RNF212B: variants seen among roughly 807,000 people sequenced by gnomAD.
RNF212B encodes E3 ubiquitin-protein ligase RNF212B.
In RNF212B, 52 loss-of-function variants were observed where a neutral mutation model predicts 55.5. The ratio of observed to expected loss-of-function variants is 0.94; its 90% CI spans 0.75 to 1.18. The LOEUF (loss-of-function observed/expected upper bound fraction) is 1.18. RNF212B is among the 50% of genes most tolerant of loss of function. The pLI, the probability that RNF212B is intolerant of heterozygous loss-of-function variation, is 0.00. For missense variants in RNF212B, 289 were observed against 350.4 expected (o/e 0.82, Z 1.40); for synonymous variants, 99 against 121.4 (o/e 0.82, Z 1.21).
intron 2 of RNF212B, among the ~76,000 whole-genome samples, chr14:23,208,908 G>A (rs1480292700): frequency 2.6e-5 from 4 of 151,402 alleles, no homozygotes; most frequent in Non-Finnish European, 5.9e-5. Context: ...ACAGGTGCCC[G>A]CCACTACGCC....
intron 2 of RNF212B, among the ~76,000 whole-genome samples, chr14:23,199,469 CTAT>C (rs1271886997): frequency 1.3e-5 from 2 of 152,206 alleles, no homozygotes; most frequent in African/African-American, 4.8e-5. Context: ...CCCAGCTTGA[CTAT>C]TCCCTTTAGC....
At chr14:23,265,742 ACTT>A (rs1161757510) in intron 11 of RNF212B, among the ~76,000 whole-genome samples, 1 of 152,054 alleles carries the variant, frequency 6.6e-6, no homozygotes, top group Non-Finnish European at 1.5e-5. Context: ...AGTCTGTATT[ACTT>A]CTTCTATTAT....
At chr14:23,189,369 G>A (rs759022795) in intron 1 of RNF212B, among the ~76,000 whole-genome samples, 1 of 152,054 alleles carries the variant, frequency 6.6e-6, no homozygotes, top group African/African-American at 2.4e-5. Flanking sequence ...CCCTATTTGT[G>A]CACTAGCTTC....
At chr14:23,208,635 C>T (rs1160006458) in intron 2 of RNF212B, among the ~76,000 whole-genome samples, 3 of 152,016 alleles carry the variant, frequency 2.0e-5, no homozygotes, top group Non-Finnish European at 4.4e-5. Flanking sequence ...TCTTGGATCT[C>T]ACTCAAGAAA....
At position 23,264,215 on chromosome 14, in the gene RNF212B, G is replaced by C. The variant is rs1183892239; in HGVS notation, c.566G>C (p.Gly189Ala). 6.5e-7 allele frequency: 1 copy of C among 1,549,770 alleles called. No homozygotes were observed. The highest frequency in any genetic ancestry group is 2.4e-5 in the East Asian group (1 of 40,908). The change falls in exon 10 of 15, where the codon GGC (glycine) becomes GCC (alanine). Residue 189 changes from glycine (G) to alanine (A), a missense_variant. Transcript: ENST00000430154. The stretch of plus-strand genomic sequence containing the variant: ...GAATCTATTCCTTATAGAGAGGCTG[G>C]CTTTGGTAGCTTGGGACAAGTAAGT... ...SAESIPYREA[G>A]FGSLGQGGRG... is the part of the protein sequence containing the mutation.
At chr14:23,211,738 T>A (rs746806368) in intron 2 of RNF212B, among the ~76,000 whole-genome samples, 1 of 152,220 alleles carries the variant, frequency 6.6e-6, no homozygotes, top group Non-Finnish European at 1.5e-5. Flanking sequence ...TATTATTATT[T>A]TTGAGACAGA....
chr14:23,207,307 C>T (rs995328939), intron 2 of RNF212B, among the ~76,000 whole-genome samples: 3 of 152,132 alleles, frequency 2.0e-5, no homozygotes, highest in African/African-American at 7.2e-5. Context: ...TGATGGGTCT[C>T]AGGCTGTAGA....
At chr14:23,270,286 C>T (rs1248462308) in intron 13 of RNF212B, among the ~76,000 whole-genome samples, 1 of 152,178 alleles carries the variant, frequency 6.6e-6, no homozygotes, top group Non-Finnish European at 1.5e-5. Context: ...GGCCAATATC[C>T]ATTCTTCTCC....
chr14:23,220,919 A>G (rs1261998277), intron 2 of RNF212B, among the ~76,000 whole-genome samples: 1 of 152,172 alleles, frequency 6.6e-6, no homozygotes, highest in Non-Finnish European at 1.5e-5. Flanking sequence ...TAAAAGGAAG[A>G]GAGGAAGGAA....
chr14:23,215,139 A>G (rs959052001), intron 2 of RNF212B, among the ~76,000 whole-genome samples: 1 of 152,094 alleles, frequency 6.6e-6, no homozygotes, highest in Non-Finnish European at 1.5e-5. Context: ...ATGGTGAGTG[A>G]GTTCTCATGA....
intron 1 of RNF212B, among the ~76,000 whole-genome samples, chr14:23,187,173 A>G (rs1877679442): frequency 6.6e-6 from 1 of 152,210 alleles, no homozygotes; most frequent in Admixed American, 6.5e-5. Flanking sequence ...GATCCCTTTA[A>G]CTAGGGAAAA....
At chr14:23,270,461 C>A in intron 13 of RNF212B, 139 bp from the exon 14 acceptor site, 1 of 661,348 alleles carries the variant, frequency 1.5e-6, no homozygotes, top group Non-Finnish European at 2.8e-6. Flanking sequence ...ACTTTATATC[C>A]CATCTCTTAA....
chr14:23,194,101 C>A (rs1330788720), intron 2 of RNF212B, among the ~76,000 whole-genome samples: 2 of 152,194 alleles, frequency 1.3e-5, no homozygotes, highest in Non-Finnish European at 2.9e-5. Flanking sequence ...CTCGGCCTCC[C>A]AAAGTGCTGG....
intron 2 of RNF212B, among the ~76,000 whole-genome samples, chr14:23,213,491 G>A (rs1436593263): frequency 2.6e-5 from 4 of 152,052 alleles, no homozygotes; most frequent in Admixed American, 6.6e-5. Flanking sequence ...GTCATGAGGC[G>A]GAAAGAAGAA....
At chr14:23,263,025 A>C in intron 9 of RNF212B, 55 bp downstream of exon 9, 2 of 1,437,530 alleles carry the variant, frequency 1.4e-6, no homozygotes, top group Non-Finnish European at 1.9e-6. Flanking sequence ...GATAGAAGAA[A>C]TATCTAGTTG....
Position 23,263,765 on chromosome 14 carries a change from G to A in RNF212B, c.525-409G>A, listed in dbSNP as rs573726423. Among the ~76,000 whole-genome samples the A allele has an allele frequency of 7.2e-5, 11 of 152,190 alleles. No individual in the cohort carries two copies. In the South Asian group the frequency reaches 2.3e-3, roughly 32 times the overall value. ...GTGCCCCTTCCCCCAAAAAAAACGA[G>A]TGTTCTGTGTGCTAACAACATATAA... On this transcript the variant is annotated intron_variant, in intron 9 of 14. Transcript: ENST00000430154.
At chr14:23,225,150 C>A (rs941950215) in intron 2 of RNF212B, among the ~76,000 whole-genome samples, 1 of 151,654 alleles carries the variant, frequency 6.6e-6, no homozygotes, top group Non-Finnish European at 1.5e-5. Context: ...AAAAGTCAGG[C>A]AATAACAAGT....
intron 2 of RNF212B, among the ~76,000 whole-genome samples, chr14:23,226,592 C>T (rs1882041695): frequency 6.6e-6 from 1 of 151,940 alleles, no homozygotes. Flanking sequence ...GATCGCGCCA[C>T]CACACTCCAG....
chr14:23,264,818 GT>G (rs35272583), intron 11 of RNF212B, 147 bp downstream of exon 11: 60,121 of 267,296 alleles, frequency 0.22, 4,300 homozygotes, highest in South Asian at 0.41. Flanking sequence ...ATATTACAAG[GT>G]TTTTTTTTTT....
Sources: allele counts gnomAD v4.1 joint callset (sites outside exome capture counted in the v4.1 genomes callset), GRCh38; gene constraint gnomAD v4.1.1; transcripts MANE v1.5; gene names NCBI Gene and HGNC (gene_info 2026-07-23, HGNC 2026-07-21).